The following CLVS1 variants were observed in gnomAD, a reference collection of about 807,000 sequenced individuals.
CLVS1 encodes the protein clavesin-1.
In CLVS1, 10 loss-of-function variants were observed where a neutral mutation model predicts 33.1. The observed-to-expected ratio is 0.30, with a 90% CI of 0.19 to 0.51. The LOEUF is 0.51. Ranked by LOEUF, CLVS1 falls within the 20% of genes least tolerant of loss-of-function variation. CLVS1 has a pLI of 0.97. For synonymous variants in CLVS1, 163 were observed against 166.1 expected (o/e 0.98, Z 0.14); for missense variants, 343 against 433.4 (o/e 0.79, Z 1.85).
the CLVS1 span, among the ~76,000 whole-genome samples, chr8:61,043,446 A>G: frequency 2.0e-5 from 3 of 152,350 alleles, no homozygotes; most frequent in African/African-American, 7.2e-5. Flanking sequence ...CAGATGGATC[A>G]TAGCAGATGA....
At position 61,458,518 on chromosome 8, in the gene CLVS1, A is replaced by G. The variant is rs754141789; in HGVS notation, c.953A>G (p.Glu318Gly). ...CATACGTCCTCGAATCTGGAGAGAG[A>G]ATGCTCACCCAAGCTGATGAAAAGG... ...VKHTSSNLER[E>G]CSPKLMKRSQ... The change falls in exon 5 of 6, where the codon GAA becomes GGA. Residue 318 changes from glutamate (E) to glycine (G), a missense_variant. Physicochemically the swap from Glu to Gly is moderately conservative, Grantham distance 98 (BLOSUM62 -2). Transcript: ENST00000325897. 6.2e-7 allele frequency: 1 copy of G among 1,611,338 alleles called. No individual in the cohort carries two copies. Among genetic ancestry groups the G allele is most frequent in the Non-Finnish European group, 8.5e-7 (1 of 1,178,616 alleles).
At chr8:61,021,838 T>G in the CLVS1 span, among the ~76,000 whole-genome samples, 13 of 152,176 alleles carry the variant, frequency 8.5e-5, no homozygotes, top group Admixed American at 3.3e-4. Flanking sequence ...GTAGTGAGTA[T>G]AGTATCCAAT....
rs147069651 is a variant in CLVS1 at position 61,232,035 on chromosome 8, T to G, written c.-151-67642T>G. 6.8e-3 allele frequency among the ~76,000 whole-genome samples: 886 copies of G among 131,050 alleles called. 71 individuals carry two copies. The highest frequency in any genetic ancestry group is 0.027 in the African/African-American group (808 of 30,278). The allele number at this position is 131,050 out of a possible 152,430, so 86.0% of individuals were successfully genotyped here. ...GAGGAAAGTTGTGGTTTTTTTTTTT[T>G]TTTTTTTTTTTTTTTGTGAGATGGA... On this transcript the variant is annotated intron_variant, in intron 2 of 2. Coordinates refer to the CLVS1 transcript ENST00000522621.
chr8:61,450,915 C>T (rs1442953527), intron 3 of CLVS1, among the ~76,000 whole-genome samples: 1 of 152,144 alleles, frequency 6.6e-6, no homozygotes, highest in Non-Finnish European at 1.5e-5. Flanking sequence ...TGAGTTTGAC[C>T]TTTAAAATAC....
At chr8:61,061,568 G>A (rs188788462) in intron 1 of CLVS1, among the ~76,000 whole-genome samples, 369 of 143,714 alleles carry the variant, frequency 2.6e-3, no homozygotes, top group Non-Finnish European at 4.4e-3. Flanking sequence ...GAGTTTCCTG[G>A]CCCACACAGA....
At chr8:61,248,646 A>T (rs985681167) in intron 2 of CLVS1, among the ~76,000 whole-genome samples, 5 of 93,580 alleles carry the variant, frequency 5.3e-5, no homozygotes, top group South Asian at 1.2e-3. Context: ...CAAGTCATTT[A>T]TATATATATA....
At chr8:61,441,804 C>T (rs1195858662) in intron 3 of CLVS1, among the ~76,000 whole-genome samples, 2 of 152,116 alleles carry the variant, frequency 1.3e-5, no homozygotes, top group Non-Finnish European at 2.9e-5. Flanking sequence ...AAATGAAGTA[C>T]AAACGAAGTG....
intron 2 of CLVS1, among the ~76,000 whole-genome samples, chr8:61,178,145 GA>G (rs1284453104): frequency 3.3e-5 from 5 of 152,208 alleles, no homozygotes; most frequent in African/African-American, 7.2e-5. Context: ...GTTTAGAGAG[GA>G]ACATAAATGA....
the CLVS1 span, among the ~76,000 whole-genome samples, chr8:61,014,038 A>C: frequency 6.6e-6 from 1 of 151,678 alleles, no homozygotes; most frequent in African/African-American, 2.4e-5. Flanking sequence ...CCACAGGACA[A>C]AGGGAATTAG....
chr8:61,317,596 C>G (rs775349086), intron 2 of CLVS1, among the ~76,000 whole-genome samples: 11 of 152,186 alleles, frequency 7.2e-5, no homozygotes, highest in Non-Finnish European at 1.6e-4. Flanking sequence ...TGAGAGCACC[C>G]ATTTCTCCTT....
At chr8:61,025,282 G>A in the CLVS1 span, among the ~76,000 whole-genome samples, 1 of 152,136 alleles carries the variant, frequency 6.6e-6, no homozygotes, top group African/African-American at 2.4e-5. Flanking sequence ...TAAGAAAAAA[G>A]TTGCCAGACT....
intron 2 of CLVS1, among the ~76,000 whole-genome samples, chr8:61,195,429 T>C (rs1807582858): frequency 6.6e-6 from 1 of 152,038 alleles, no homozygotes; most frequent in South Asian, 2.1e-4. Context: ...TTTTTCTTAC[T>C]TAATATATTG....
rs185737588 is a variant in CLVS1 at position 61,354,352 on chromosome 8, A to C, written c.456-22253A>C. Reference sequence around the variant, plus strand: ...AGGATATAAGGAAACTGGATTACTCATCAAGATTGCCAGTGAAAATGTAAA... The same window carrying C: ...AGGATATAAGGAAACTGGATTACTCCTCAAGATTGCCAGTGAAAATGTAAA... On this transcript the variant is annotated intron_variant, in intron 2 of 5. Transcript: ENST00000325897. 3.2e-4 allele frequency among the ~76,000 whole-genome samples: 48 copies of C among 152,220 alleles called. No homozygotes were observed. The East Asian group carries it at 8.9e-3, about 28-fold the overall frequency.
intron 3 of CLVS1, among the ~76,000 whole-genome samples, chr8:61,429,419 TAAAAAAAAA>T (rs57688988): frequency 1.4e-5 from 1 of 73,236 alleles, no homozygotes; most frequent in Non-Finnish European, 2.5e-5. Flanking sequence ...GACTCTGTCT[TAAAAAAAAA>T]AAAAAAAAAA....
chr8:61,433,960 T>C (rs914447649), intron 3 of CLVS1, among the ~76,000 whole-genome samples: 28 of 146,656 alleles, frequency 1.9e-4, no homozygotes, highest in African/African-American at 6.8e-4. Context: ...AAAAAAGTTG[T>C]AGATGGGCTA....
At chr8:61,044,810 G>T in the CLVS1 span, among the ~76,000 whole-genome samples, 4 of 152,178 alleles carry the variant, frequency 2.6e-5, no homozygotes, top group African/African-American at 4.8e-5. Flanking sequence ...GAATATGCAT[G>T]GGTTCTGGGG....
the CLVS1 span, among the ~76,000 whole-genome samples, chr8:61,052,096 G>C: frequency 6.6e-6 from 1 of 152,294 alleles, no homozygotes; most frequent in African/African-American, 2.4e-5. Flanking sequence ...GGGGATTGAG[G>C]TCACCGCACC....
At chr8:61,222,809 T>G (rs1173703758) in intron 2 of CLVS1, among the ~76,000 whole-genome samples, 3 of 152,044 alleles carry the variant, frequency 2.0e-5, no homozygotes, top group Non-Finnish European at 4.4e-5. Flanking sequence ...GGTGGGGGAG[T>G]GTAAATCTCT....
At chr8:61,410,707 T>C (rs1474950896) in intron 3 of CLVS1, among the ~76,000 whole-genome samples, 1 of 152,194 alleles carries the variant, frequency 6.6e-6, no homozygotes, top group Non-Finnish European at 1.5e-5. Flanking sequence ...AGTGGCATAA[T>C]CTTGGCTCAC....
Sources: allele counts gnomAD v4.1 joint callset (sites outside exome capture counted in the v4.1 genomes callset), GRCh38; gene constraint gnomAD v4.1.1; transcripts MANE v1.5; gene names NCBI Gene and HGNC (gene_info 2026-07-23, HGNC 2026-07-21).